The following CDH18 variants were observed in gnomAD, a reference collection of about 807,000 sequenced individuals.
CDH18 encodes cadherin 18.
A neutral mutation model predicts 67.9 loss-of-function variants in CDH18; 31 were observed. That is an observed-to-expected ratio of 0.46 (90% CI 0.34 to 0.62). The LOEUF is 0.62. CDH18 is among the 20% of genes least tolerant of loss of function. The pLI is 0.01. For missense variants in CDH18, 890 were observed against 975.5 expected (o/e 0.91, Z 1.17); for synonymous variants, 362 against 347.2 (o/e 1.04, Z -0.48).
intron 1 of CDH18, among the ~76,000 whole-genome samples, chr5:20,274,291 T>C (rs1745645028): frequency 6.6e-6 from 1 of 152,146 alleles, no homozygotes; most frequent in East Asian, 1.9e-4. Flanking sequence ...TTATATTATA[T>C]AATACTACTT....
intron 5 of CDH18, among the ~76,000 whole-genome samples, chr5:19,674,837 C>T (rs1311619648): frequency 1.3e-5 from 2 of 152,046 alleles, no homozygotes; most frequent in African/African-American, 4.8e-5. Flanking sequence ...AGACCATTGA[C>T]ATTCAAGAGA....
intron 3 of CDH18, among the ~76,000 whole-genome samples, chr5:19,758,073 G>A (rs1485195872): frequency 2.0e-5 from 3 of 152,134 alleles, no homozygotes; most frequent in African/African-American, 4.8e-5. Flanking sequence ...AGGGTGGCAG[G>A]AGTGGAGACC....
chr5:19,909,504 A>G (rs978220436), intron 2 of CDH18, among the ~76,000 whole-genome samples: 1 of 151,924 alleles, frequency 6.6e-6, no homozygotes, highest in Admixed American at 6.6e-5. Context: ...TCACCATGTT[A>G]ACCAGGCTGG....
rs184264581 is a variant in CDH18 at position 19,703,114 on chromosome 5, C to T, written c.643+18233G>A. 9.8e-5 allele frequency among the ~76,000 whole-genome samples: 15 copies of T among 152,292 alleles called. No individual in the cohort carries two copies. The East Asian group carries it at 2.9e-3, about 29-fold the overall frequency. ...CAGCCCCGATTCCTACTCCGCACTCCATATTTCTCTGTGTGTGTGTGTCTT... is the reference window on the plus strand; with the variant it reads ...CAGCCCCGATTCCTACTCCGCACTCTATATTTCTCTGTGTGTGTGTGTCTT... On this transcript the variant is annotated intron_variant, in intron 5 of 12. Coordinates refer to ENST00000382275, the MANE Select transcript of CDH18 (RefSeq NM_004934.5).
At chr5:19,741,328 TCTCACACA>T (rs758071511) in intron 4 of CDH18, among the ~76,000 whole-genome samples, 1,339 of 38,256 alleles carry the variant, frequency 0.035, 13 homozygotes, top group Admixed American at 0.055. Context: ...TATATACATG[TCTCACACA>T]CACACACACA....
chr5:19,656,866 C>T (rs1756479240), intron 5 of CDH18, among the ~76,000 whole-genome samples: 1 of 151,792 alleles, frequency 6.6e-6, no homozygotes, highest in Non-Finnish European at 1.5e-5. Flanking sequence ...CCCTCTCTCT[C>T]TCTGTCTTTC....
At chr5:19,502,929 C>T in intron 11 of CDH18, 63 bp downstream of exon 11, 1 of 929,328 alleles carries the variant, frequency 1.1e-6, no homozygotes, top group South Asian at 1.3e-5. Flanking sequence ...AGAATAAAGC[C>T]TATTACATAT....
In CDH18 at chr5:19,531,609, T is replaced by TCACA. The variant is rs10552517; in HGVS notation, c.1391-10835_1391-10832dup. ...CCAAGACAAGTTAAAATGTGTGTTC[T>TCACA]CACACACACACACACACACACACAC... On this transcript the variant is annotated intron_variant, in intron 9 of 12. Coordinates refer to ENST00000382275, the MANE Select transcript of CDH18 (RefSeq NM_004934.5). 2.7e-3 allele frequency among the ~76,000 whole-genome samples: 408 copies of TCACA among 148,806 alleles called. 4 individuals are homozygous for TCACA. Among genetic ancestry groups the TCACA allele is most frequent in the South Asian group, 4.5e-3 (21 of 4,650 alleles).
At chr5:19,845,853 A>AATATATAT (rs34342467) in intron 2 of CDH18, among the ~76,000 whole-genome samples, 1 of 151,018 alleles carries the variant, frequency 6.6e-6, no homozygotes. Context: ...ATTTGCATGG[A>AATATATAT]ATATATATAT....
chr5:19,472,810 CACAA>C lies in CDH18; in HGVS notation c.*412_*415del. The C allele has an allele frequency of 6.1e-6, 1 of 163,174 alleles. No homozygotes were observed. The highest frequency in any genetic ancestry group is 1.4e-5 in the Non-Finnish European group (1 of 74,000). The allele number at this position is 163,174 out of a possible 1,614,324, so 10.1% of individuals were successfully genotyped here. On this transcript the variant is annotated 3_prime_UTR_variant, in exon 13 of 13. Transcript: ENST00000382275. Reference sequence around the variant, plus strand: ...TGATAAAAGAGGTTGTGATTACCTTCACAAGTTTCCTGTATTAGTGTTACCACCC... The same window carrying C: ...TGATAAAAGAGGTTGTGATTACCTTCGTTTCCTGTATTAGTGTTACCACCC...
intron 1 of CDH18, among the ~76,000 whole-genome samples, chr5:20,489,753 T>C (rs532664126): frequency 3.3e-5 from 5 of 152,098 alleles, no homozygotes; most frequent in Admixed American, 6.6e-5. Context: ...TGAAATTTCA[T>C]GGCAATTGTT....
chr5:20,140,610 G>A (rs1750170943), intron 2 of CDH18, among the ~76,000 whole-genome samples: 1 of 152,030 alleles, frequency 6.6e-6, no homozygotes, highest in Admixed American at 6.6e-5. Context: ...ATGTTACTTT[G>A]AGTACTCCAA....
At chr5:20,108,335 A>G (rs1747160391) in intron 2 of CDH18, among the ~76,000 whole-genome samples, 4 of 151,982 alleles carry the variant, frequency 2.6e-5, no homozygotes, top group Admixed American at 2.6e-4. Context: ...CAGACAATCC[A>G]CCAACCTCGG....
chr5:20,278,800 A>C (rs1746001908), intron 1 of CDH18, among the ~76,000 whole-genome samples: 1 of 152,146 alleles, frequency 6.6e-6, no homozygotes, highest in South Asian at 2.1e-4. Context: ...TTATGCAATC[A>C]GTTAAGTTGT....
At chr5:20,294,629 T>A (rs572854844) in intron 1 of CDH18, among the ~76,000 whole-genome samples, 1 of 152,322 alleles carries the variant, frequency 6.6e-6, no homozygotes, top group Admixed American at 6.5e-5. Context: ...AAACTGTTTG[T>A]CTTGACTTAA....
intron 5 of CDH18, among the ~76,000 whole-genome samples, chr5:19,655,926 T>C (rs1756304048): frequency 6.6e-6 from 1 of 151,978 alleles, no homozygotes; most frequent in Admixed American, 6.6e-5. Context: ...TGAAAGCAAA[T>C]TGATTCTGCC....
chr5:20,191,886 G>C (rs2126720148), intron 2 of CDH18, among the ~76,000 whole-genome samples: 1 of 152,218 alleles, frequency 6.6e-6, no homozygotes, highest in South Asian at 2.1e-4. Context: ...TAATGGGATT[G>C]CTAGGTCAAA....
chr5:20,564,958 T>G (rs1412906235), intron 1 of CDH18, among the ~76,000 whole-genome samples: 1 of 152,192 alleles, frequency 6.6e-6, no homozygotes, highest in African/African-American at 2.4e-5. Flanking sequence ...ATCAGTCACT[T>G]TGGGAGATCA....
rs566184186 is a variant in CDH18 at position 20,462,668 on chromosome 5, C to T, written c.-580+112794G>A. Among the ~76,000 whole-genome samples, 80 of 152,204 alleles carry T rather than the reference C, an allele frequency of 5.3e-4. 1 individual carries two copies. Among genetic ancestry groups the T allele is most frequent in the African/African-American group, 1.8e-3 (74 of 41,546 alleles). ...TTTAAAGTCATAGTTGTTATAAATG[C>T]ATACCATATGCCTGTTGCTGTTAAA... On this transcript the variant is annotated intron_variant, in intron 1 of 14. Transcript: ENST00000507958.
Sources: gnomAD v4.1 joint callset for allele counts (sites outside exome capture counted in the v4.1 genomes callset) on GRCh38, gnomAD v4.1.1 for gene constraint, MANE v1.5 for transcripts, NCBI Gene and HGNC (gene_info 2026-07-23, HGNC 2026-07-21) for gene names.